DCST1: variants seen among roughly 807,000 people sequenced by gnomAD.
The protein encoded by DCST1 is E3 ubiquitin-protein ligase DCST1.
In DCST1, 78 loss-of-function variants were observed where a neutral mutation model predicts 89.1. The observed-to-expected ratio is 0.88, with a 90% CI of 0.73 to 1.06. The LOEUF is 1.06. Ranked by LOEUF, DCST1 falls within the 50% of genes least tolerant of loss-of-function variation. DCST1 has a pLI of 0.00. For missense variants in DCST1, 900 were observed against 928.6 expected, an observed-to-expected ratio of 0.97 and a Z score of 0.40; for synonymous variants, 364 against 371.9, an observed-to-expected ratio of 0.98 and a Z score of 0.24.
rs115086285 is a variant in DCST1 at position 155,041,461 on chromosome 1, C to T, written c.596C>T (p.Ala199Val). Residue 199 changes from alanine to valine, a missense_variant, in exon 7 of 17, where the codon GCC becomes GTC. Coordinates refer to ENST00000295542, the MANE Select transcript of DCST1 (RefSeq NM_152494.4). ...TCCGCCACTTTTGAGGACCTGGATG[C>T]CCAGGTGAATAGTGAGACGGGCTAC... ...NISATFEDLD[A>V]QVNSETGYTP... 1.6e-3 allele frequency: 2,624 copies of T among 1,614,076 alleles called. 40 individuals are homozygous for T. The African/African-American group carries it at 0.031, about 19-fold the overall frequency.
rs747378271 is a variant in DCST1 at position 155,034,537 on chromosome 1, G to T, written c.164G>T (p.Gly55Val). 6.2e-7 allele frequency: 1 copy of T among 1,613,608 alleles called. No individual in the cohort carries two copies. The highest frequency in any genetic ancestry group is 1.1e-5 in the South Asian group (1 of 91,084). Reference sequence around the variant, plus strand: ...GTCACTGCTCTCCTGCTGGGGGCAGGCGCTGGGGGGCTCCTGGCCATAGGT... The same window carrying T: ...GTCACTGCTCTCCTGCTGGGGGCAGTCGCTGGGGGGCTCCTGGCCATAGGT... ...FPVTALLLGAGAGGLLAIGLF... is the reference protein window; with the variant it reads ...FPVTALLLGAVAGGLLAIGLF... Residue 55 changes from glycine to valine, a missense_variant, in exon 3 of 17, where the codon GGC (glycine) becomes GTC (valine). Gly to Val is a moderately radical substitution (Grantham distance 109). Transcript: ENST00000295542.
intron 11 of DCST1, 28 bp downstream of exon 11, chr1:155,046,020 T>G (rs1223892993): frequency 6.2e-7 from 1 of 1,613,510 alleles, no homozygotes; most frequent in South Asian, 1.1e-5. Context: ...TGCCCGGGGA[T>G]GCCTTGCTGC....
intron 4 of DCST1, chr1:155,035,209 C>A (rs1660238941): frequency 5.7e-6 from 1 of 174,350 alleles, no homozygotes; most frequent in Non-Finnish European, 1.2e-5. Context: ...GTTGCCCAGG[C>A]TGGAGTGCAG....
intron 13 of DCST1, 35 bp downstream of exon 13, chr1:155,046,521 G>A (rs771467681): frequency 1.9e-6 from 3 of 1,597,368 alleles, no homozygotes; most frequent in South Asian, 1.1e-5. Context: ...CCAGGCCCAA[G>A]AGACACCCTC....
rs1183081315 is a variant in DCST1, at chr1:155,050,683, T to C, written c.1936T>C (p.Cys646Arg). 1 of 1,603,810 alleles carries C rather than the reference T, an allele frequency of 6.2e-7. No individual in the cohort carries two copies. The highest frequency in any genetic ancestry group is 1.7e-5 in the Admixed American group (1 of 59,308). Residue 646 changes from cysteine (C) to arginine (R), a missense_variant, in exon 17 of 17, where the codon TGC becomes CGC. By Grantham distance (180) the Cys-to-Arg change is radical. Transcript: ENST00000295542. ...PLLRRWLCRR[C>R]VVCQAPETPE... ...CCTGCGCCGCTGGCTGTGCCGGCGC[T>C]GCGTGGTGTGCCAGGCACCCGAGAC...
chr1:155,040,581 G>GC lies in DCST1; in HGVS notation c.489dup (p.Ile164HisfsTer16). On this transcript the variant is annotated frameshift_variant, in exon 6 of 17. Transcript: ENST00000295542. LOFTEE classifies it high-confidence loss of function. ...ATCAACAACACCCGCGCAGCTTGGCGCATCTCCACAGCCCCCTTACGGGCC... is the reference window on the plus strand; with the variant it reads ...ATCAACAACACCCGCGCAGCTTGGCGCCATCTCCACAGCCCCCTTACGGGCC... The GC allele has an allele frequency of 6.3e-7, 1 of 1,586,664 alleles. No individual in the cohort carries two copies. Among genetic ancestry groups the GC allele is most frequent in the Admixed American group, 1.8e-5 (1 of 56,668 alleles).
intron 14 of DCST1, among the ~76,000 whole-genome samples, chr1:155,047,547 C>A (rs2102363250): frequency 6.6e-6 from 1 of 152,340 alleles, no homozygotes; most frequent in South Asian, 2.1e-4. Flanking sequence ...TAGGGGGCCC[C>A]AGCCCTCCAG....
At chr1:155,034,867 G>C in intron 4 of DCST1, 140 bp downstream of exon 4, 7 of 892,848 alleles carry the variant, frequency 7.8e-6, no homozygotes, top group South Asian at 7.3e-5. Flanking sequence ...TGGGCTTTAC[G>C]GGGAGGTCCA....
intron 12 of DCST1, 44 bp downstream of exon 12, chr1:155,046,264 C>G (rs762390052): frequency 4.3e-6 from 7 of 1,613,890 alleles, no homozygotes; most frequent in South Asian, 1.1e-5. Context: ...CAAAGACAGG[C>G]CTGAAGGTGA....
chr1:155,041,528 C>T lies in DCST1; in HGVS notation c.663C>T (p.Gly221=). Residue 221 remains glycine, a synonymous_variant, in exon 7 of 17, where the codon GGC becomes GGT. Transcript: ENST00000295542. The part of the protein sequence containing the change: ...DTMDSGETAQ[G]REARQAPASR... ...TGGACTCAGGGGAGACAGCCCAGGGCAGGGAGGCCCGCCAAGCCCCAGCCT... is the reference window on the plus strand; with the variant it reads ...TGGACTCAGGGGAGACAGCCCAGGGTAGGGAGGCCCGCCAAGCCCCAGCCT... The T allele has an allele frequency of 6.2e-7, 1 of 1,613,916 alleles. No homozygotes were observed. Among genetic ancestry groups the T allele is most frequent in the Non-Finnish European group, 8.5e-7 (1 of 1,180,044 alleles).
intron 8 of DCST1, among the ~76,000 whole-genome samples, chr1:155,042,168 G>A (rs770772317): frequency 6.6e-6 from 1 of 152,004 alleles, no homozygotes; most frequent in African/African-American, 2.4e-5. Context: ...GCGCAATCTC[G>A]GCTCACCGCA....
At chr1:155,045,605 T>C (rs935515791) in intron 10 of DCST1, 7 of 457,564 alleles carry the variant, frequency 1.5e-5, no homozygotes, top group African/African-American at 1.4e-4. Context: ...TGCAACTCCC[T>C]CCCAGACAGG....
chr1:155,050,741 G>A lies in DCST1; in HGVS notation c.1994G>A (p.Cys665Tyr), dbSNP rs1049751165. The change falls in exon 17 of 17, where the codon TGC becomes TAC. Residue 665 changes from cysteine to tyrosine, a missense_variant. By Grantham distance (194) the Cys-to-Tyr change is radical (BLOSUM62 -2). Coordinates refer to ENST00000295542, the MANE Select transcript of DCST1 (RefSeq NM_152494.4). ...PESYVCRTLD[C>Y]EAVYCWSCWD... The stretch of plus-strand genomic sequence containing the variant: ...TCCTACGTGTGCCGGACGCTGGACT[G>A]CGAGGCCGTGTACTGCTGGTCGTGC... 14 of 1,610,800 alleles carry A rather than the reference G, an allele frequency of 8.7e-6. No individual in the cohort carries two copies. Among genetic ancestry groups the A allele is most frequent in the Non-Finnish European group, 1.7e-6 (2 of 1,178,906 alleles).
Position 155,046,180 on chromosome 1 carries a change from C to A in DCST1, c.1328C>A (p.Pro443His). The change falls in exon 12 of 17, where the codon CCT becomes CAT. Residue 443 changes from proline (P) to histidine (H), a missense_variant. By Grantham distance (77) the Pro-to-His change is moderately conservative. Transcript: ENST00000295542. ...RKAEEKTVIF[P>H]CKPTIQASEM... ...GCTGAGGAGAAAACCGTCATCTTCC[C>A]TTGCAAGCCCACCATCCAGGCCTCA... The A allele has an allele frequency of 6.2e-7, 1 of 1,614,236 alleles. No homozygotes were observed. The highest frequency in any genetic ancestry group is 1.1e-5 in the South Asian group (1 of 91,080).
intron 4 of DCST1, among the ~76,000 whole-genome samples, chr1:155,038,564 G>A (rs1660339772): frequency 6.6e-6 from 1 of 152,218 alleles, no homozygotes; most frequent in South Asian, 2.1e-4. Context: ...CGATCATTGG[G>A]TGAACATTCC....
Position 155,047,261 on chromosome 1 carries a change from A to T in DCST1, c.1561A>T (p.Ile521Phe), listed in dbSNP as rs1660680956. 13 of 1,614,094 alleles carry T rather than the reference A, an allele frequency of 8.1e-6. No individual in the cohort carries two copies. The East Asian group carries it at 2.9e-4, about 36-fold the overall frequency. Residue 521 changes from isoleucine to phenylalanine, a missense_variant, in exon 14 of 17, where the codon ATT (isoleucine) becomes TTT (phenylalanine). Ile to Phe is a conservative substitution (Grantham distance 21). Transcript: ENST00000295542. ...SMLARLLRKTIGALNTSSETV... is the reference protein window; with the variant it reads ...SMLARLLRKTFGALNTSSETV... ...GCTAGCCCGGCTTCTTCGAAAAACC[A>T]TTGGGGCCCTGAACACCTCCTCAGA...
intron 16 of DCST1, chr1:155,049,226 T>G (rs1457476093): frequency 1.7e-6 from 1 of 592,458 alleles, no homozygotes; most frequent in East Asian, 2.9e-5. Flanking sequence ...TGGGGTTAAC[T>G]ACTCCATCTG....
At position 155,043,394 on chromosome 1, in the gene DCST1, G is replaced by C. The variant is rs764310071; in HGVS notation, c.1057G>C (p.Glu353Gln). 3.1e-6 allele frequency: 5 copies of C among 1,614,040 alleles called. No individual in the cohort carries two copies. In the South Asian group the frequency reaches 3.3e-5, roughly 11 times the overall value. The change falls in exon 10 of 17, where the codon GAG (glutamate) becomes CAG (glutamine). Residue 353 changes from glutamate (E) to glutamine (Q), a missense_variant. By Grantham distance (29) the Glu-to-Gln change is conservative. Coordinates refer to ENST00000295542, the MANE Select transcript of DCST1 (RefSeq NM_152494.4). Reference protein sequence around the residue: ...AGVLGLNTSWERVSTEVRDYV... With the variant: ...AGVLGLNTSWQRVSTEVRDYV... ...GGTGCTGGGGCTCAACACAAGCTGG[G>C]AGCGCGTGAGCACCGAGGTGCGGGA...
At position 155,042,850 on chromosome 1, in the gene DCST1, C is replaced by T. The variant is rs1339283517; in HGVS notation, c.1008C>T (p.Asp336=). 1.2e-6 allele frequency: 2 copies of T among 1,614,076 alleles called. No individual in the cohort carries two copies. The highest frequency in any genetic ancestry group is 3.3e-5 in the Admixed American group (2 of 60,012). ...ATGGGGAATTTTCAGCCAATATTGA[C>T]TTCAAGGTAGAAGGCAAGGGCGAGG... ...GLDGEFSANI[D]FKEEKQAGVL... Residue 336 remains aspartate, a synonymous_variant, in exon 9 of 17, where the codon GAC becomes GAT. Transcript: ENST00000295542.
Sources: allele counts gnomAD v4.1 joint callset (sites outside exome capture counted in the v4.1 genomes callset), GRCh38; gene constraint gnomAD v4.1.1; transcripts MANE v1.5; gene names NCBI Gene and HGNC (gene_info 2026-07-23, HGNC 2026-07-21).